The following DGKI variants were observed in gnomAD, a reference collection of about 807,000 sequenced individuals.
The protein encoded by DGKI is DAG kinase iota.
Under a neutral mutation model 147.5 loss-of-function variants are expected in DGKI, and 55 were observed. The ratio of observed to expected loss-of-function variants is 0.37; its 90% CI spans 0.30 to 0.47. The LOEUF (loss-of-function observed/expected upper bound fraction) is 0.47, where lower values mean the gene tolerates loss of function less well. Among genes scored for constraint, DGKI ranks in the 20% least tolerant of loss-of-function variants. The pLI, the probability that DGKI is intolerant of heterozygous loss-of-function variation, is 1.00. For missense variants in DGKI, 1,007 were observed against 1,323.8 expected, an observed-to-expected ratio of 0.76 and a Z score of 3.71; for synonymous variants, 469 against 477.1, an observed-to-expected ratio of 0.98 and a Z score of 0.22.
In DGKI at chr7:137,622,735, T is replaced by C. The variant is rs141663590; in HGVS notation, c.876+748A>G. Reference sequence around the variant, plus strand: ...GTCTGCCAACACCTGGGTTAGACTATATGTTATGTGGTAAAAGAAAGAACA... The same window carrying C: ...GTCTGCCAACACCTGGGTTAGACTACATGTTATGTGGTAAAAGAAAGAACA... On this transcript the variant is annotated intron_variant, in intron 7 of 32. Coordinates refer to ENST00000614521, the MANE Select transcript of DGKI (RefSeq NM_001321708.2). Among the ~76,000 whole-genome samples the C allele has an allele frequency of 1.1e-4, 17 of 152,310 alleles. No homozygotes were observed. The East Asian group carries it at 1.9e-3, about 17-fold the overall frequency.
chr7:137,767,587 G>A (rs1796060442), intron 1 of DGKI, among the ~76,000 whole-genome samples: 1 of 151,000 alleles, frequency 6.6e-6, no homozygotes, highest in African/African-American at 2.5e-5. Flanking sequence ...AAGGAGAAGA[G>A]AAGAGAAGAG....
intron 1 of DGKI, among the ~76,000 whole-genome samples, chr7:137,723,849 A>G (rs1319460098): frequency 6.6e-6 from 1 of 151,794 alleles, no homozygotes; most frequent in Non-Finnish European, 1.5e-5. Flanking sequence ...AGCTGGGATT[A>G]CAGGCACATA....
intron 28 of DGKI, among the ~76,000 whole-genome samples, chr7:137,422,280 T>G (rs1812602035): frequency 6.6e-6 from 1 of 152,184 alleles, no homozygotes; most frequent in Non-Finnish European, 1.5e-5. Flanking sequence ...CTGTGTAACA[T>G]ACATGACGCC....
intron 30 of DGKI, among the ~76,000 whole-genome samples, chr7:137,405,273 T>G (rs555797511): frequency 1.3e-5 from 2 of 151,984 alleles, no homozygotes; most frequent in South Asian, 4.2e-4. Context: ...AGAGACAGAG[T>G]CTGGCTCAGC....
At chr7:137,647,010 A>G (rs1168524536) in intron 5 of DGKI, among the ~76,000 whole-genome samples, 1 of 152,208 alleles carries the variant, frequency 6.6e-6, no homozygotes, top group African/African-American at 2.4e-5. Context: ...AAATAAGCAC[A>G]ATGGTCCCAC....
chr7:137,684,416 T>C (rs1823344540), intron 2 of DGKI, among the ~76,000 whole-genome samples: 1 of 152,256 alleles, frequency 6.6e-6, no homozygotes, highest in Non-Finnish European at 1.5e-5. Context: ...CTATTTCTTC[T>C]CACTTTTTAA....
Position 137,565,834 on chromosome 7 carries a change from A to G in DGKI, c.1947+5341T>C, listed in dbSNP as rs116833132. On this transcript the variant is annotated intron_variant, in intron 19 of 32. Transcript: ENST00000614521. ...CAAAAAGGTAATCAGATTACCCAGC[A>G]CCCAATGAAGAATCATCTTAATTAG... Among the ~76,000 whole-genome samples the G allele has an allele frequency of 6.3e-3, 957 of 152,312 alleles. 7 individuals carry two copies. The highest frequency in any genetic ancestry group is 0.022 in the African/African-American group (934 of 41,572).
chr7:137,438,595 C>T (rs982214291), intron 28 of DGKI, among the ~76,000 whole-genome samples: 7 of 151,724 alleles, frequency 4.6e-5, no homozygotes, highest in African/African-American at 9.7e-5. Flanking sequence ...CGCATGGATA[C>T]GAGGAAGAGT....
intron 28 of DGKI, among the ~76,000 whole-genome samples, chr7:137,440,139 C>T (rs1040865389): frequency 2.0e-5 from 3 of 152,102 alleles, no homozygotes; most frequent in Non-Finnish European, 2.9e-5. Flanking sequence ...ATTTAAATGA[C>T]GAAGTGATAG....
chr7:137,731,403 A>T (rs1227547583), intron 1 of DGKI, among the ~76,000 whole-genome samples: 4 of 152,130 alleles, frequency 2.6e-5, no homozygotes, highest in Non-Finnish European at 5.9e-5. Flanking sequence ...GTATGTAGGC[A>T]CATACTAGGT....
At chr7:137,615,821 C>G (rs1820512471) in intron 8 of DGKI, among the ~76,000 whole-genome samples, 1 of 152,008 alleles carries the variant, frequency 6.6e-6, no homozygotes, top group African/African-American at 2.4e-5. Flanking sequence ...TAGAATTTAA[C>G]ATTGGTGTCG....
At chr7:137,416,169 A>T (rs1394350206) in intron 28 of DGKI, among the ~76,000 whole-genome samples, 1 of 152,184 alleles carries the variant, frequency 6.6e-6, no homozygotes, top group Non-Finnish European at 1.5e-5. Context: ...GCATTTATGT[A>T]ATAAAATTAG....
chr7:137,746,807 AT>A (rs1453949402), intron 1 of DGKI, among the ~76,000 whole-genome samples: 2 of 152,042 alleles, frequency 1.3e-5, no homozygotes, highest in Non-Finnish European at 2.9e-5. Flanking sequence ...AGACTTTAAT[AT>A]GTTCTCATCA....
intron 6 of DGKI, among the ~76,000 whole-genome samples, chr7:137,631,898 C>G (rs1002844139): frequency 2.6e-5 from 4 of 152,184 alleles, no homozygotes; most frequent in Admixed American, 2.6e-4. Context: ...AAGGACACTC[C>G]ATTTACCAAA....
chr7:137,584,813 A>G (rs1488848730), intron 14 of DGKI, among the ~76,000 whole-genome samples: 1 of 152,252 alleles, frequency 6.6e-6, no homozygotes, highest in Non-Finnish European at 1.5e-5. Context: ...GATATATTTT[A>G]TATCAGGCCA....
intron 27 of DGKI, among the ~76,000 whole-genome samples, chr7:137,454,426 G>A (rs1477266682): frequency 6.6e-6 from 1 of 152,086 alleles, no homozygotes; most frequent in Non-Finnish European, 1.5e-5. Flanking sequence ...CAAAATGAGG[G>A]CAAAGCAGTT....
At chr7:137,508,846 G>A (rs1237451754) in intron 21 of DGKI, among the ~76,000 whole-genome samples, 1 of 152,046 alleles carries the variant, frequency 6.6e-6, no homozygotes, top group Non-Finnish European at 1.5e-5. Context: ...AAAGGGAAAA[G>A]AAAAAGAAAC....
At chr7:137,729,440 A>T (rs111642016) in intron 1 of DGKI, among the ~76,000 whole-genome samples, 1,979 of 152,250 alleles carry the variant, frequency 0.013, 56 homozygotes, top group African/African-American at 0.045. Flanking sequence ...TGTGCCCAAA[A>T]GTCTCCTAGC....
At chr7:137,437,071 G>A (rs1563018668) in intron 28 of DGKI, among the ~76,000 whole-genome samples, 1 of 152,168 alleles carries the variant, frequency 6.6e-6, no homozygotes, top group Non-Finnish European at 1.5e-5. Flanking sequence ...ACTTGTGGAT[G>A]GCACTCACTT....
Sources: gnomAD v4.1 joint callset for allele counts (sites outside exome capture counted in the v4.1 genomes callset) on GRCh38, gnomAD v4.1.1 for gene constraint, MANE v1.5 for transcripts, NCBI Gene and HGNC (gene_info 2026-07-23, HGNC 2026-07-21) for gene names.